PTPRM: variants seen among roughly 807,000 people sequenced by gnomAD.
PTPRM encodes receptor-type tyrosine-protein phosphatase mu.
A neutral mutation model predicts 186.7 loss-of-function variants in PTPRM; 47 were observed. The ratio of observed to expected loss-of-function variants is 0.25; its 90% CI spans 0.20 to 0.32. The LOEUF is 0.32. Among genes scored for constraint, PTPRM ranks in the 10% least tolerant of loss-of-function variants. The pLI, the probability that PTPRM is intolerant of heterozygous loss-of-function variation, is 1.00. For synonymous variants in PTPRM, 668 were observed against 674.9 expected (o/e 0.99, Z 0.16); for missense variants, 1,494 against 1,865.0 (o/e 0.80, Z 3.66).
intron 7 of PTPRM, among the ~76,000 whole-genome samples, chr18:8,051,595 C>T (rs986345560): frequency 6.6e-5 from 10 of 152,120 alleles, no homozygotes; most frequent in Non-Finnish European, 1.2e-4. Context: ...TATAAGATTG[C>T]ATCATAGTAG....
chr18:7,931,832 A>G (rs950891144), intron 5 of PTPRM, among the ~76,000 whole-genome samples: 4 of 152,080 alleles, frequency 2.6e-5, no homozygotes, highest in African/African-American at 7.2e-5. Context: ...TTATTTGCCT[A>G]TATTTGCTTG....
chr18:7,793,227 A>C (rs1027489671), intron 2 of PTPRM, among the ~76,000 whole-genome samples: 1 of 152,206 alleles, frequency 6.6e-6, no homozygotes, highest in Non-Finnish European at 1.5e-5. Flanking sequence ...GTAGTTGTTA[A>C]GAGCACCCTG....
intron 2 of PTPRM, among the ~76,000 whole-genome samples, chr18:7,785,916 A>G (rs573727726): frequency 8.5e-5 from 13 of 152,306 alleles, no homozygotes; most frequent in Admixed American, 3.3e-4. Flanking sequence ...TCCTATTGGT[A>G]GATATTTTGG....
chr18:8,299,655 T>C (rs564394510), intron 20 of PTPRM, among the ~76,000 whole-genome samples: 7 of 152,294 alleles, frequency 4.6e-5, no homozygotes, highest in Non-Finnish European at 1.0e-4. Context: ...TACAGTCTAG[T>C]GCAGGGGGTT....
chr18:8,076,411 AT>A (rs1449536336), intron 8 of PTPRM, 43 bp from the exon 9 acceptor site: 1 of 1,189,884 alleles, frequency 8.4e-7, no homozygotes, highest in Admixed American at 1.9e-5. Flanking sequence ...CTACTTTTTA[AT>A]TGTTTATTAC....
At chr18:8,123,772 A>C (rs2092255087) in intron 13 of PTPRM, among the ~76,000 whole-genome samples, 1 of 152,164 alleles carries the variant, frequency 6.6e-6, no homozygotes, top group Admixed American at 6.5e-5. Context: ...TTAGGAGTCC[A>C]TCTTGAAGGT....
At chr18:7,842,555 G>A (rs1014215641) in intron 2 of PTPRM, among the ~76,000 whole-genome samples, 3 of 152,076 alleles carry the variant, frequency 2.0e-5, no homozygotes, top group Non-Finnish European at 4.4e-5. Flanking sequence ...TTAACATTTA[G>A]ATAAGTAGAC....
intron 14 of PTPRM, among the ~76,000 whole-genome samples, chr18:8,220,565 A>T (rs1320743870): frequency 6.6e-6 from 1 of 152,216 alleles, no homozygotes; most frequent in Non-Finnish European, 1.5e-5. Flanking sequence ...ATCAAGATAA[A>T]ACACAGTGTG....
chr18:7,813,389 A>G (rs750336048), intron 2 of PTPRM, among the ~76,000 whole-genome samples: 2 of 152,202 alleles, frequency 1.3e-5, no homozygotes, highest in Non-Finnish European at 2.9e-5. Context: ...TCAAAGACAG[A>G]GTGCATCATT....
chr18:7,772,439 C>T, intron 1 of PTPRM, among the ~76,000 whole-genome samples: 1 of 121,696 alleles, frequency 8.2e-6, no homozygotes, highest in African/African-American at 3.5e-5. Context: ...TTCCCCTTCC[C>T]CTTCCCCTTC....
intron 3 of PTPRM, among the ~76,000 whole-genome samples, chr18:7,900,774 A>C (rs1007147766): frequency 7.9e-5 from 12 of 152,246 alleles, no homozygotes; most frequent in African/African-American, 2.9e-4. Context: ...CCTACCTCAC[A>C]TAATTGATGG....
chr18:8,227,814 T>C (rs1171712464), intron 14 of PTPRM, among the ~76,000 whole-genome samples: 1 of 152,188 alleles, frequency 6.6e-6, no homozygotes, highest in South Asian at 2.1e-4. Context: ...AATGTGCACA[T>C]GTGGAATTCA....
intron 7 of PTPRM, among the ~76,000 whole-genome samples, chr18:7,958,251 C>T (rs953647359): frequency 2.7e-5 from 4 of 149,720 alleles, no homozygotes; most frequent in African/African-American, 9.9e-5. Flanking sequence ...TAGGTTGCAT[C>T]AGGAAAGCAA....
At chr18:7,698,116 T>C (rs1297273480) in intron 1 of PTPRM, among the ~76,000 whole-genome samples, 2 of 152,188 alleles carry the variant, frequency 1.3e-5, no homozygotes, top group Non-Finnish European at 2.9e-5. Context: ...TGAAGTTGTC[T>C]ACAACAAAAT....
intron 4 of PTPRM, among the ~76,000 whole-genome samples, chr18:7,912,115 G>A (rs1186889251): frequency 6.6e-6 from 1 of 152,120 alleles, no homozygotes; most frequent in African/African-American, 2.4e-5. Context: ...GCCTCCCAAA[G>A]TGCTGGGATT....
chr18:8,106,943 A>T lies in PTPRM; in HGVS notation c.1857-6543A>T, dbSNP rs1022277422. 3.3e-5 allele frequency among the ~76,000 whole-genome samples: 5 copies of T among 152,324 alleles called. No homozygotes were observed. The East Asian group carries it at 9.6e-4, about 29-fold the overall frequency. On this transcript the variant is annotated intron_variant, in intron 11 of 32. Transcript: ENST00000580170. ...TATTCCAGCCCATCTGGCCCAAAGC[A>T]CTGGAACTTTTCGGGACTGAAAGAT...
chr18:8,346,546 T>A (rs2095506087), intron 23 of PTPRM, among the ~76,000 whole-genome samples: 1 of 152,142 alleles, frequency 6.6e-6, no homozygotes, highest in Non-Finnish European at 1.5e-5. Flanking sequence ...ACACTTGGGG[T>A]TTAGGGCTTC....
intron 11 of PTPRM, among the ~76,000 whole-genome samples, chr18:8,089,655 G>A (rs2090610014): frequency 6.6e-6 from 1 of 152,112 alleles, no homozygotes; most frequent in African/African-American, 2.4e-5. Flanking sequence ...TTGGAAGAAA[G>A]ATTTACATTG....
intron 20 of PTPRM, among the ~76,000 whole-genome samples, chr18:8,309,374 G>A (rs966460106): frequency 6.6e-6 from 1 of 152,052 alleles, no homozygotes; most frequent in Non-Finnish European, 1.5e-5. Context: ...GTATCTCATT[G>A]TAAGCTGGGC....
Sources: allele counts gnomAD v4.1 joint callset (sites outside exome capture counted in the v4.1 genomes callset), GRCh38; gene constraint gnomAD v4.1.1; transcripts MANE v1.5; gene names NCBI Gene and HGNC (gene_info 2026-07-23, HGNC 2026-07-21).